The following SLC22A11 variants were observed in gnomAD, a reference collection of about 807,000 sequenced individuals.
SLC22A11 encodes the protein organic anion transporter 4.
A neutral mutation model predicts 49.4 loss-of-function variants in SLC22A11; 42 were observed. That is an observed-to-expected ratio of 0.85 (90% CI 0.66 to 1.10). SLC22A11 has a LOEUF of 1.10. Among genes scored for constraint, SLC22A11 ranks in the 50% least tolerant of loss-of-function variants. The pLI is 0.00. For synonymous variants in SLC22A11, 304 were observed against 315.8 expected (o/e 0.96, Z 0.40); for missense variants, 685 against 731.6 (o/e 0.94, Z 0.74).
intron 2 of SLC22A11, among the ~76,000 whole-genome samples, chr11:64,559,482 C>CT (rs1156453788): frequency 6.6e-6 from 1 of 152,060 alleles, no homozygotes; most frequent in East Asian, 1.9e-4. Context: ...CCAGGCCATC[C>CT]CCCACCGCCC....
chr11:64,565,136 TG>T lies in SLC22A11; in HGVS notation c.943-84del. Reference sequence around the variant, plus strand: ...GCCCAGGACAGGCTCCCCGTCACTCTGGCCACTTGGACACTGTTCTCTGGCA... The same window carrying T: ...GCCCAGGACAGGCTCCCCGTCACTCTGCCACTTGGACACTGTTCTCTGGCA... On this transcript the variant is annotated intron_variant, in intron 5 of 9. Transcript: ENST00000301891. This position sits in a 1 kb window ranked among gnomAD's most constrained non-coding sequence, Gnocchi z 4.1. 9.3e-7 allele frequency: 1 copy of T among 1,078,594 alleles called. No individual in the cohort carries two copies. Among genetic ancestry groups the T allele is most frequent in the Non-Finnish European group, 1.3e-6 (1 of 753,620 alleles). 66.8% of individuals were successfully genotyped at this position (1,078,594 alleles called of 1,614,324 possible). A position where few individuals can be genotyped will look rare whatever the true frequency, so the allele number is the denominator to read the frequency against.
At position 64,564,416 on chromosome 11, in the gene SLC22A11, C is replaced by T; in HGVS notation, c.930C>T (p.Asn310=). ...TAAATGGCCACAAGGAGGCCAAGAA[C>T]CTGACCATAGAGGTGAGATGCTGCT... ...ARINGHKEAK[N]LTIEVLMSSV... Residue 310 remains asparagine (N), a synonymous_variant, in exon 5 of 10, where the codon AAC becomes AAT. Coordinates refer to ENST00000301891, the MANE Select transcript of SLC22A11 (RefSeq NM_018484.4). The surrounding 1 kb of genome is among the most constrained non-coding windows in gnomAD (Gnocchi z 4.2). 6.2e-7 allele frequency: 1 copy of T among 1,614,054 alleles called. No individual in the cohort carries two copies. The highest frequency in any genetic ancestry group is 8.5e-7 in the Non-Finnish European group (1 of 1,179,960).
chr11:64,564,516 C>G lies in SLC22A11; in HGVS notation c.942+88C>G, dbSNP rs2038596439. 6.7e-7 allele frequency: 1 copy of G among 1,500,230 alleles called. No homozygotes were observed. The highest frequency in any genetic ancestry group is 1.8e-5 in the Admixed American group (1 of 55,348). 92.9% of individuals were successfully genotyped at this position (1,500,230 alleles called of 1,614,324 possible). On this transcript the variant is annotated intron_variant, in intron 5 of 9. Transcript: ENST00000301891. This position sits in a 1 kb window ranked among gnomAD's most constrained non-coding sequence, Gnocchi z 4.2. ...GTGGCCTCCAACAGCACCACCCACT[C>G]CAGCACCACCTCCACCAGCACCACC...
chr11:64,569,908 A>C (rs1211409273), intron 9 of SLC22A11, 50 bp downstream of exon 9: 1 of 1,588,186 alleles, frequency 6.3e-7, no homozygotes, highest in South Asian at 1.1e-5. Flanking sequence ...CTCCTGGGCC[A>C]AGATGGAGAC....
chr11:64,560,750 G>A lies in SLC22A11; in HGVS notation c.498-1254G>A, dbSNP rs377045849. ...CCCCACAAGCACACAGGGACCCAGG[G>A]ACTGTGCTCCAGAGCCCAGCTCAGC... On this transcript the variant is annotated intron_variant, in intron 2 of 9. Transcript: ENST00000301891. Among the ~76,000 whole-genome samples, 9 of 152,178 alleles carry A rather than the reference G, an allele frequency of 5.9e-5. No individual in the cohort carries two copies. The South Asian group carries it at 1.2e-3, about 21-fold the overall frequency.
Position 64,562,471 on chromosome 11 carries a change from C to A in SLC22A11, c.821+36C>A. The A allele has an allele frequency of 6.6e-7, 1 of 1,505,986 alleles. No homozygotes were observed. The allele number at this position is 1,505,986 out of a possible 1,614,324, so 93.3% of individuals were successfully genotyped here. On this transcript the variant is annotated intron_variant, in intron 4 of 9. Coordinates refer to ENST00000301891, the MANE Select transcript of SLC22A11 (RefSeq NM_018484.4). The surrounding 1 kb of genome is among the most constrained non-coding windows in gnomAD (Gnocchi z 4.4). ...TGTGGGACCTTTTCCTTAGGAGACC[C>A]AGGGTGGGAGGGGGACTCTTCACTT...
At chr11:64,569,278 C>A (rs12287654) in intron 8 of SLC22A11, among the ~76,000 whole-genome samples, 16,136 of 152,204 alleles carry the variant, frequency 0.11, 2,868 homozygotes, top group African/African-American at 0.37. Context: ...GCTCTCCAGA[C>A]TTTTAGCCCA....
intron 6 of SLC22A11, chr11:64,566,538 C>T (rs1423479986): frequency 2.0e-5 from 3 of 150,750 alleles, no homozygotes; most frequent in African/African-American, 4.9e-5. Context: ...GGGGCCGGCT[C>T]TGCAACCTTT....
chr11:64,568,187 C>T (rs2135426318), intron 7 of SLC22A11, among the ~76,000 whole-genome samples: 1 of 152,354 alleles, frequency 6.6e-6, no homozygotes, highest in Admixed American at 6.5e-5. Flanking sequence ...GAGCACCTCC[C>T]AGCAGTTCAG....
At chr11:64,557,180 C>T (rs550861281) in intron 1 of SLC22A11, among the ~76,000 whole-genome samples, 109 of 152,340 alleles carry the variant, frequency 7.2e-4, no homozygotes, top group African/African-American at 2.4e-3. Context: ...GCCACAACCT[C>T]GCCACAATCT....
intron 6 of SLC22A11, among the ~76,000 whole-genome samples, 169 bp from the exon 7 acceptor site, chr11:64,567,430 T>A (rs547954011): frequency 5.9e-5 from 9 of 152,106 alleles, no homozygotes; most frequent in African/African-American, 1.9e-4. Context: ...GACGCTGGGG[T>A]TGTGTCCTGA....
chr11:64,564,545 A>G lies in SLC22A11; in HGVS notation c.942+117A>G, dbSNP rs1354837230. 1 of 1,291,278 alleles carries G rather than the reference A, an allele frequency of 7.7e-7. No individual in the cohort carries two copies. The highest frequency in any genetic ancestry group is 1.1e-6 in the Non-Finnish European group (1 of 923,764). The allele number at this position is 1,291,278 out of a possible 1,614,324, so 80.0% of individuals were successfully genotyped here. Reference sequence around the variant, plus strand: ...CACCACCTCCACCAGCACCACCACCAGCATCTCCACAGACACCACCAACAC... The same window carrying G: ...CACCACCTCCACCAGCACCACCACCGGCATCTCCACAGACACCACCAACAC... On this transcript the variant is annotated intron_variant, in intron 5 of 9. Transcript: ENST00000301891. This position sits in a 1 kb window ranked among gnomAD's most constrained non-coding sequence, Gnocchi z 4.2.
At position 64,567,825 on chromosome 11, in the gene SLC22A11, G is replaced by A. The variant is rs1415242849; in HGVS notation, c.1273+12G>A. 4.6e-5 allele frequency: 72 copies of A among 1,564,190 alleles called. No individual in the cohort carries two copies. The East Asian group carries it at 1.6e-3, about 34-fold the overall frequency. ...GCTGGTGCCGCAAGGTGAGGCAGGCGGACTGGGCGGTGGGACCGGGCCCTG... is the reference window on the plus strand; with the variant it reads ...GCTGGTGCCGCAAGGTGAGGCAGGCAGACTGGGCGGTGGGACCGGGCCCTG... On this transcript the variant is annotated intron_variant, in intron 7 of 9. Transcript: ENST00000301891.
chr11:64,558,586 C>T (rs1052200338), intron 1 of SLC22A11, among the ~76,000 whole-genome samples: 2 of 152,224 alleles, frequency 1.3e-5, no homozygotes, highest in Non-Finnish European at 2.9e-5. Flanking sequence ...CAGATCACGA[C>T]TCCGTGACTC....
At position 64,572,578 on chromosome 11, in the gene SLC22A11, C is replaced by G. The variant is rs748468147; in HGVS notation, c.*1536C>G. On this transcript the variant is annotated 3_prime_UTR_variant, in exon 10 of 10. Coordinates refer to ENST00000301891, the MANE Select transcript of SLC22A11 (RefSeq NM_018484.4). ...CACAGCTCCCAAATCCACCTACTTC[C>G]CTTCACTCTGGCTACACCCTGGTTC... 1.3e-5 allele frequency: 2 copies of G among 152,496 alleles called. No individual in the cohort carries two copies. Among genetic ancestry groups the G allele is most frequent in the Middle Eastern group, 3.1e-3 (1 of 324 alleles). The allele number at this position is 152,496 out of a possible 1,614,324, so 9.4% of individuals were successfully genotyped here.
At position 64,564,931 on chromosome 11, in the gene SLC22A11, G is replaced by A. The variant is rs767292967; in HGVS notation, c.943-291G>A. On this transcript the variant is annotated intron_variant, in intron 5 of 9. Transcript: ENST00000301891. This position sits in a 1 kb window ranked among gnomAD's most constrained non-coding sequence, Gnocchi z 4.2. ...AGGTAGCTGCTTTCAGGAAACAGGC[G>A]CTGCCAGAGATTAGAGTGAAGATGG... Among the ~76,000 whole-genome samples, 9 of 152,342 alleles carry A rather than the reference G, an allele frequency of 5.9e-5. No homozygotes were observed. The highest frequency in any genetic ancestry group is 2.1e-4 in the South Asian group (1 of 4,828).
intron 2 of SLC22A11, among the ~76,000 whole-genome samples, chr11:64,560,431 T>C (rs2038527491): frequency 6.6e-6 from 1 of 152,098 alleles, no homozygotes; most frequent in Non-Finnish European, 1.5e-5. Context: ...CCCCCTGCCC[T>C]GCGCTGGGCT....
chr11:64,557,085 G>A (rs1591371519), intron 1 of SLC22A11, among the ~76,000 whole-genome samples: 1 of 152,180 alleles, frequency 6.6e-6, no homozygotes, highest in East Asian at 1.9e-4. Context: ...TCACTCAGTT[G>A]ACATTTAAAC....
intron 2 of SLC22A11, 127 bp from the exon 3 acceptor site, chr11:64,561,877 A>C: frequency 1.7e-6 from 2 of 1,174,662 alleles, no homozygotes; most frequent in East Asian, 2.5e-5. Context: ...TAAAAGTTCC[A>C]AGAAGGAGGA....
Sources: gnomAD v4.1 joint callset for allele counts (sites outside exome capture counted in the v4.1 genomes callset) on GRCh38, gnomAD v4.1.1 for gene constraint, Gnocchi (gnomAD v3.1) non-coding constraint, MANE v1.5 for transcripts, NCBI Gene and HGNC (gene_info 2026-07-23, HGNC 2026-07-21) for gene names.